Variants in CDKL5 observed in about 807,000 individuals in gnomAD.
CDKL5 encodes the protein cyclin dependent kinase like 5.
Under a neutral mutation model 61.7 loss-of-function variants are expected in CDKL5, and 8 were observed. The ratio of observed to expected loss-of-function variants is 0.13; its 90% CI spans 0.08 to 0.23. CDKL5 has a LOEUF of 0.23. Among genes scored for constraint, CDKL5 ranks in the 10% least tolerant of loss-of-function variants. The pLI is 1.00. For synonymous variants in CDKL5, 275 were observed against 272.3 expected (o/e 1.01, Z -0.10); for missense variants, 440 against 734.5 (o/e 0.60, Z 4.63).
intron 3 of CDKL5, among the ~76,000 whole-genome samples, chrX:18,527,418 C>T (rs1277555381): frequency 9.0e-6 from 1 of 111,727 alleles, no homozygotes; most frequent in Non-Finnish European, 1.9e-5. Flanking sequence ...TTTTCATATA[C>T]ACAGGCCTAT....
At chrX:18,462,262 C>T (rs898162375) in intron 1 of CDKL5, among the ~76,000 whole-genome samples, 1 of 110,768 alleles carries the variant, frequency 9.0e-6, no homozygotes, top group Non-Finnish European at 1.9e-5. Flanking sequence ...TCAGTCGCAG[C>T]TGCAATATAT....
chrX:18,649,737 G>C (rs887027085), intron 20 of CDKL5, among the ~76,000 whole-genome samples: 1 of 112,331 alleles, frequency 8.9e-6, no homozygotes, highest in African/African-American at 3.2e-5. Context: ...TGGCCTGCCA[G>C]GGAAGACATT....
intron 3 of CDKL5, among the ~76,000 whole-genome samples, chrX:18,531,786 A>G (rs2147109580): frequency 9.4e-6 from 1 of 106,222 alleles, no homozygotes; most frequent in Admixed American, 9.9e-5. Flanking sequence ...GGCTCACTGC[A>G]AGCTCTGCTT....
intron 3 of CDKL5, among the ~76,000 whole-genome samples, chrX:18,514,111 C>T (rs1187890899): frequency 9.0e-6 from 1 of 110,903 alleles, no homozygotes; most frequent in Non-Finnish European, 1.9e-5. Flanking sequence ...AATCTGTGTA[C>T]TGTTGCAGTA....
At chrX:18,651,083 T>C (rs1160234271) in intron 21 of CDKL5, among the ~76,000 whole-genome samples, 1 of 109,844 alleles carries the variant, frequency 9.1e-6, no homozygotes, top group East Asian at 2.9e-4. Context: ...CCATTGCCCC[T>C]CTATCCTACT....
chrX:18,598,336 A>C, intron 10 of CDKL5, 126 bp from the exon 11 acceptor site: 2 of 503,204 alleles, frequency 4.0e-6, no homozygotes, highest in East Asian at 7.3e-5. Context: ...TTATTTCCTG[A>C]ACTGTGTTTA....
chrX:18,629,837 G>A lies in CDKL5; in HGVS notation c.*1080G>A. 1.3e-6 allele frequency: 1 copy of A among 754,286 alleles called. No homozygotes were observed. Among genetic ancestry groups the A allele is most frequent in the Non-Finnish European group, 1.6e-6 (1 of 639,256 alleles). The allele number at this position is 754,286 out of a possible 1,213,427, so 62.2% of individuals were successfully genotyped here. ...GAGAATAGATTGAGGCGTTACTCGT[G>A]GGTCTTTGTAGAGAGAATGTGCTCT... is the stretch of plus-strand genomic sequence containing the variant. On this transcript the variant is annotated 3_prime_UTR_variant, in exon 18 of 18. Coordinates refer to ENST00000623535, the MANE Select transcript of CDKL5 (RefSeq NM_001323289.2).
Position 18,648,755 on chromosome X carries a change from GGT to G in CDKL5, c.2798-1651_2798-1650del, listed in dbSNP as rs893445368. On this transcript the variant is annotated intron_variant, in intron 20 of 21. Coordinates refer to the CDKL5 transcript ENST00000379989. ...GTTGCCTAGATCACATCTGATAGTT[GGT>G]GTGACAGTAACCATCTTGCACCATG... 3.6e-5 allele frequency among the ~76,000 whole-genome samples: 4 copies of G among 111,590 alleles called. No individual in the cohort carries two copies. The Admixed American group carries it at 3.8e-4, about 11-fold the overall frequency.
chrX:18,531,807 C>T (rs1478211662), intron 3 of CDKL5, among the ~76,000 whole-genome samples: 4 of 108,078 alleles, frequency 3.7e-5, no homozygotes, highest in African/African-American at 1.0e-4. Context: ...CCCGGGTTCA[C>T]GCCATTCTCC....
intron 1 of CDKL5, among the ~76,000 whole-genome samples, chrX:18,496,867 C>CA (rs1227308528): frequency 9.0e-6 from 1 of 110,662 alleles, no homozygotes; most frequent in Non-Finnish European, 1.9e-5. Context: ...GATCGCCATC[C>CA]AAAAAGAGGG....
chrX:18,434,254 G>A (rs945988152), intron 1 of CDKL5, among the ~76,000 whole-genome samples: 3 of 111,488 alleles, frequency 2.7e-5, no homozygotes, highest in African/African-American at 9.8e-5. Flanking sequence ...TAATGGTTTG[G>A]TTAGAAGTAA....
chrX:18,446,353 G>GA (rs756223251), intron 1 of CDKL5, among the ~76,000 whole-genome samples: 2,327 of 100,101 alleles, frequency 0.023, 75 homozygotes, highest in African/African-American at 0.078. Context: ...CTCTGTCTCA[G>GA]AAAAAAAAAA....
intron 1 of CDKL5, among the ~76,000 whole-genome samples, chrX:18,459,581 G>T (rs1932227499): frequency 1.9e-5 from 2 of 107,685 alleles, no homozygotes; most frequent in Admixed American, 1.0e-4. Context: ...AAACAAAAAA[G>T]AAGTACCTGA....
At position 18,633,784 on chromosome X, in the gene CDKL5, C is replaced by T. The variant is rs1927303045; in HGVS notation, c.*5027C>T. The T allele has an allele frequency of 1.3e-6, 1 of 751,546 alleles. No individual in the cohort carries two copies. The highest frequency in any genetic ancestry group is 2.3e-5 in the African/African-American group (1 of 42,915). 61.9% of individuals were successfully genotyped at this position (751,546 alleles called of 1,213,427 possible). A position where few individuals can be genotyped will look rare whatever the true frequency, so the allele number is the denominator to read the frequency against. On this transcript the variant is annotated 3_prime_UTR_variant, in exon 18 of 18. Transcript: ENST00000623535. ...TTACTACATGAATCTTCATTTCCCACAGTGGTTTGTTCATTCATCAGCGTT... is the reference window on the plus strand; with the variant it reads ...TTACTACATGAATCTTCATTTCCCATAGTGGTTTGTTCATTCATCAGCGTT...
At chrX:18,485,059 G>A (rs765833384) in intron 1 of CDKL5, among the ~76,000 whole-genome samples, 1 of 108,551 alleles carries the variant, frequency 9.2e-6, no homozygotes, top group East Asian at 2.9e-4. Flanking sequence ...AGTTAGTAGA[G>A]TCCTGATATA....
chrX:18,586,545 G>A (rs1925650155), intron 8 of CDKL5, among the ~76,000 whole-genome samples: 2 of 111,944 alleles, frequency 1.8e-5, no homozygotes, highest in African/African-American at 6.5e-5. Context: ...CTAAAAGTAT[G>A]GGGACAATGT....
intron 7 of CDKL5, among the ~76,000 whole-genome samples, 186 bp from the exon 8 acceptor site, chrX:18,584,077 A>T (rs892674317): frequency 8.9e-6 from 1 of 112,210 alleles, no homozygotes; most frequent in African/African-American, 3.2e-5. Context: ...TATGTCTTTC[A>T]ATTGACATGG....
At chrX:18,495,646 T>G (rs1439515539) in intron 1 of CDKL5, among the ~76,000 whole-genome samples, 2 of 111,941 alleles carry the variant, frequency 1.8e-5, no homozygotes, top group African/African-American at 6.5e-5. Flanking sequence ...GGTTCCTCCT[T>G]GTCTGTTCTG....
chrX:18,451,778 G>A (rs1478678589), intron 1 of CDKL5, among the ~76,000 whole-genome samples: 1 of 110,713 alleles, frequency 9.0e-6, no homozygotes, highest in African/African-American at 3.3e-5. Context: ...ATCTCAAAAT[G>A]ATCCACTTGC....
Sources: allele counts gnomAD v4.1 joint callset (sites outside exome capture counted in the v4.1 genomes callset), GRCh38; gene constraint gnomAD v4.1.1; transcripts MANE v1.5; gene names NCBI Gene and HGNC (gene_info 2026-07-23, HGNC 2026-07-21).